Variants in EZH1 observed in about 807,000 individuals in gnomAD.
EZH1 encodes the protein histone-lysine N-methyltransferase EZH1.
EZH1 carries 33 observed loss-of-function variants against 100.5 expected under a neutral mutation model. The observed-to-expected ratio is 0.33, with a 90% confidence interval of 0.25 to 0.44. EZH1 has a LOEUF of 0.44. EZH1 is among the 20% of genes least tolerant of loss of function. The pLI, the probability that EZH1 is intolerant of heterozygous loss-of-function variation, is 1.00. For synonymous variants in EZH1, 272 were observed against 313.8 expected (o/e 0.87, Z 1.41); for missense variants, 475 against 928.4 (o/e 0.51, Z 6.35).
At chr17:42,728,549 G>A (rs1228562595) in intron 3 of EZH1, among the ~76,000 whole-genome samples, 2 of 150,786 alleles carry the variant, frequency 1.3e-5, no homozygotes, top group African/African-American at 4.9e-5. Context: ...AGACCATCCT[G>A]GCTAACATGG....
rs771020607 is a variant in EZH1 at position 42,702,498 on chromosome 17, G to A, written c.*34C>T. 18 of 1,517,782 alleles carry A rather than the reference G, an allele frequency of 1.2e-5. No homozygotes were observed. The highest frequency in any genetic ancestry group is 1.4e-5 in the Non-Finnish European group (16 of 1,122,442). The allele number at this position is 1,517,782 out of a possible 1,614,324, so 94.0% of individuals were successfully genotyped here. ...TGAGCACGAAAGCCAAGACAGTGCC[G>A]CTACCATAAGTGCTGCCGTGGGGCC... On this transcript the variant is annotated 3_prime_UTR_variant, in exon 21 of 21. Coordinates refer to ENST00000428826, the MANE Select transcript of EZH1 (RefSeq NM_001991.5).
intron 12 of EZH1, among the ~76,000 whole-genome samples, chr17:42,711,494 T>G (rs1250090079): frequency 6.7e-6 from 1 of 149,856 alleles, no homozygotes; most frequent in Admixed American, 6.6e-5. Flanking sequence ...ACAAAAAAAA[T>G]TAGCTGGGTG....
chr17:42,731,632 G>C (rs1276153756), intron 1 of EZH1: 1 of 151,918 alleles, frequency 6.6e-6, no homozygotes, highest in Non-Finnish European at 1.5e-5. Flanking sequence ...AGCTAGCCAG[G>C]TGCAGTGGCT....
Position 42,712,474 on chromosome 17 carries a change from G to A in EZH1, c.1216C>T (p.Arg406Cys), listed in dbSNP as rs779458965. The change falls in exon 12 of 21, where the codon CGC (arginine) becomes TGC (cysteine). Residue 406 changes from arginine to cysteine, a missense_variant. Transcript: ENST00000428826. Reference sequence around the variant, plus strand: ...TTCTGTTTTGTGGGAGTCTGACAGCGAGAGTTAGCCTCTGAGAAGGGAAGA... The same window carrying A: ...TTCTGTTTTGTGGGAGTCTGACAGCAAGAGTTAGCCTCTGAGAAGGGAAGA... ...WASSSSEANS[R>C]CQTPTKQKAS... 1.2e-6 allele frequency: 2 copies of A among 1,613,564 alleles called. No homozygotes were observed. Among genetic ancestry groups the A allele is most frequent in the Non-Finnish European group, 1.7e-6 (2 of 1,179,810 alleles).
intron 1 of EZH1, among the ~76,000 whole-genome samples, chr17:42,736,006 G>T (rs2054058702): frequency 6.6e-6 from 1 of 152,032 alleles, no homozygotes; most frequent in African/African-American, 2.4e-5. Flanking sequence ...GCAGAAATTT[G>T]AACAGCTATG....
chr17:42,721,003 T>C (rs1032261147), intron 6 of EZH1, among the ~76,000 whole-genome samples: 90 of 152,302 alleles, frequency 5.9e-4, no homozygotes, highest in African/African-American at 2.2e-3. Context: ...AAGTCAACTC[T>C]GAATTTCTGG....
At chr17:42,730,714 T>C (rs2143844270) in intron 2 of EZH1, 114 bp downstream of exon 2, 1 of 232,382 alleles carries the variant, frequency 4.3e-6, no homozygotes, top group African/African-American at 2.3e-5. Flanking sequence ...GCCAGGATGG[T>C]CTCGATCTCC....
At position 42,718,406 on chromosome 17, in the gene EZH1, T is replaced by C. The variant is rs753412703; in HGVS notation, c.931+48A>G. The C allele has an allele frequency of 1.2e-6, 2 of 1,602,226 alleles. No homozygotes were observed. Among genetic ancestry groups the C allele is most frequent in the Admixed American group, 1.7e-5 (1 of 59,426 alleles). On this transcript the variant is annotated intron_variant, in intron 9 of 20. Coordinates refer to ENST00000428826, the MANE Select transcript of EZH1 (RefSeq NM_001991.5). This position sits in a 1 kb window ranked among gnomAD's most constrained non-coding sequence, Gnocchi z 4.2. ...AGAACAAAGAGAAGGAAATGGTGGCTGGGGATGGAAGAGAGGAGAGCATTT... is the reference window on the plus strand; with the variant it reads ...AGAACAAAGAGAAGGAAATGGTGGCCGGGGATGGAAGAGAGGAGAGCATTT...
Position 42,735,103 on chromosome 17 carries a change from G to A in EZH1, c.-102-4185C>T, listed in dbSNP as rs114211826. Among the ~76,000 whole-genome samples, 1,475 of 152,246 alleles carry A rather than the reference G, an allele frequency of 9.7e-3. 25 individuals carry two copies. The highest frequency in any genetic ancestry group is 0.034 in the African/African-American group (1,420 of 41,544). ...AAAGAAAAGAAAAAAGAAGTATTAA[G>A]TAATGGAATAGAACATAATCTACAG... On this transcript the variant is annotated intron_variant, in intron 1 of 20. Coordinates refer to ENST00000428826, the MANE Select transcript of EZH1 (RefSeq NM_001991.5).
chr17:42,715,184 TC>T (rs2053577312), intron 10 of EZH1, among the ~76,000 whole-genome samples: 1 of 140,058 alleles, frequency 7.1e-6, no homozygotes, highest in African/African-American at 2.6e-5. Flanking sequence ...ATAATATATA[TC>T]ATAGATTATA....
At position 42,720,364 on chromosome 17, in the gene EZH1, C is replaced by T. The variant is rs761399659; in HGVS notation, c.573G>A (p.Glu191=). Residue 191 remains glutamate (E), a synonymous_variant, in exon 7 of 21, where the codon GAG becomes GAA. Coordinates refer to ENST00000428826, the MANE Select transcript of EZH1 (RefSeq NM_001991.5). ...CATCTGAGGTGTCATTGTGCCCTTC[C>T]TCCTCCTCATCTGAGTACTGATTCA... The part of the protein sequence containing the change: ...DALNQYSDEE[E]EGHNDTSDGK... 1.9e-6 allele frequency: 3 copies of T among 1,614,188 alleles called. No homozygotes were observed. In the Admixed American group the frequency reaches 5.0e-5, roughly 27 times the overall value.
intron 1 of EZH1, among the ~76,000 whole-genome samples, chr17:42,744,439 C>A (rs1383916254): frequency 1.3e-5 from 2 of 152,174 alleles, no homozygotes; most frequent in Non-Finnish European, 2.9e-5. Flanking sequence ...CCAGGACGCA[C>A]GTGAGGAGGC....
intron 1 of EZH1, among the ~76,000 whole-genome samples, chr17:42,740,852 G>A (rs1394088203): frequency 6.6e-6 from 1 of 152,154 alleles, no homozygotes; most frequent in Non-Finnish European, 1.5e-5. Flanking sequence ...CACACTAAAG[G>A]TACTGAATTC....
At chr17:42,731,204 G>A (rs1173403707) in intron 1 of EZH1, among the ~76,000 whole-genome samples, 2 of 151,558 alleles carry the variant, frequency 1.3e-5, no homozygotes, top group Admixed American at 1.3e-4. Flanking sequence ...TGCAACCTCC[G>A]CCTCCTGGGT....
chr17:42,714,398 T>C (rs558255777), intron 10 of EZH1: 3 of 339,328 alleles, frequency 8.8e-6, no homozygotes, highest in East Asian at 6.9e-5. Flanking sequence ...ATTACCTTTA[T>C]ACCAAGAGGG....
Position 42,744,413 on chromosome 17 carries a change from G to A in EZH1, c.-103+598C>T, listed in dbSNP as rs75538210. ...TCTTGCTCAGGGCCAGGCCTGGGGT[G>A]AGGCGACCGAGGCACCCAGGACGCA... is the stretch of plus-strand genomic sequence containing the variant. On this transcript the variant is annotated intron_variant, in intron 1 of 20. Coordinates refer to ENST00000428826, the MANE Select transcript of EZH1 (RefSeq NM_001991.5). 5.3e-3 allele frequency among the ~76,000 whole-genome samples: 813 copies of A among 152,280 alleles called. 7 individuals are homozygous for A. Among genetic ancestry groups the A allele is most frequent in the African/African-American group, 0.019 (781 of 41,556 alleles).
chr17:42,717,448 A>G (rs2053627768), intron 10 of EZH1, among the ~76,000 whole-genome samples: 1 of 152,128 alleles, frequency 6.6e-6, no homozygotes, highest in African/African-American at 2.4e-5. Context: ...AAAAAGCCCA[A>G]CTGTGTCTTT....
intron 15 of EZH1, among the ~76,000 whole-genome samples, chr17:42,707,653 T>A (rs1242886230): frequency 6.6e-6 from 1 of 152,186 alleles, no homozygotes; most frequent in Non-Finnish European, 1.5e-5. Context: ...CCCAAAGTGC[T>A]GGGATTACAG....
At chr17:42,707,028 C>T (rs2053367902) in intron 15 of EZH1, among the ~76,000 whole-genome samples, 1 of 152,110 alleles carries the variant, frequency 6.6e-6, no homozygotes, top group East Asian at 1.9e-4. Flanking sequence ...CATCAAACTG[C>T]TCAGCTTTGA....
Sources: gnomAD v4.1 joint callset for allele counts (sites outside exome capture counted in the v4.1 genomes callset) on GRCh38, gnomAD v4.1.1 for gene constraint, Gnocchi (gnomAD v3.1) non-coding constraint, MANE v1.5 for transcripts, NCBI Gene and HGNC (gene_info 2026-07-23, HGNC 2026-07-21) for gene names.